Variants in MAPKAP1 observed in about 807,000 individuals in gnomAD.
MAPKAP1 encodes the protein MAPK associated protein 1, also known as target of rapamycin complex 2 subunit MAPKAP1.
In MAPKAP1, 20 loss-of-function variants were observed where a neutral mutation model predicts 65.7. That is an observed-to-expected ratio of 0.30 (90% CI 0.21 to 0.44). The LOEUF (loss-of-function observed/expected upper bound fraction) is 0.44. Ranked by LOEUF, MAPKAP1 falls within the 20% of genes least tolerant of loss-of-function variation. The pLI is 1.00. For synonymous variants in MAPKAP1, 222 were observed against 244.3 expected, an observed-to-expected ratio of 0.91 and a Z score of 0.85; for missense variants, 423 against 648.0, an observed-to-expected ratio of 0.65 and a Z score of 3.77.
chr9:125,600,184 G>C (rs1433040402), intron 4 of MAPKAP1, among the ~76,000 whole-genome samples: 2 of 142,558 alleles, frequency 1.4e-5, no homozygotes, highest in Non-Finnish European at 1.5e-5. Context: ...ATGTAGGTAA[G>C]ACATTTCATA....
rs1420963044 is a variant in MAPKAP1 at position 125,595,923 on chromosome 9, A to C, written c.499-10196T>G. 5.3e-5 allele frequency: 69 copies of C among 1,300,182 alleles called. No individual in the cohort carries two copies. The highest frequency in any genetic ancestry group is 7.4e-5 in the Non-Finnish European group (67 of 909,084). 80.5% of individuals were successfully genotyped at this position (1,300,182 alleles called of 1,614,324 possible). A position where few individuals can be genotyped will look rare whatever the true frequency, so the allele number is the denominator to read the frequency against. ...AAGGTGGATCGGAGTTGTGGAACCA[A>C]AGAGAGCTGTCTCAAGAGAAGATTC... On this transcript the variant is annotated intron_variant, in intron 4 of 11. Coordinates refer to ENST00000265960, the MANE Select transcript of MAPKAP1 (RefSeq NM_001006617.3). This position sits in a 1 kb window ranked among gnomAD's most constrained non-coding sequence, Gnocchi z 4.0.
intron 10 of MAPKAP1, among the ~76,000 whole-genome samples, chr9:125,457,208 C>T (rs13290813): frequency 0.29 from 43,697 of 151,794 alleles, 7,027 homozygotes; most frequent in Non-Finnish European, 0.37. Flanking sequence ...AGGCTGGTCT[C>T]GAACTCCTGA....
intron 7 of MAPKAP1, among the ~76,000 whole-genome samples, chr9:125,535,947 T>C (rs1287871044): frequency 6.6e-6 from 1 of 152,168 alleles, no homozygotes; most frequent in Non-Finnish European, 1.5e-5. Flanking sequence ...CACTTATGAC[T>C]GCCCAGATGA....
intron 4 of MAPKAP1, among the ~76,000 whole-genome samples, chr9:125,645,270 T>C (rs1432929611): frequency 1.3e-5 from 2 of 152,152 alleles, no homozygotes. Flanking sequence ...CACAAAAGGA[T>C]GTGACTGGAG....
At chr9:125,550,871 A>G (rs1488228331) in intron 6 of MAPKAP1, among the ~76,000 whole-genome samples, 1 of 152,236 alleles carries the variant, frequency 6.6e-6, no homozygotes, top group Non-Finnish European at 1.5e-5. Context: ...ACAATAAATA[A>G]CCAGGATAAT....
Position 125,453,775 on chromosome 9 carries a change from T to C in MAPKAP1, c.1346-9177A>G, listed in dbSNP as rs1853054213. Among the ~76,000 whole-genome samples, 4 of 152,256 alleles carry C rather than the reference T, an allele frequency of 2.6e-5. No homozygotes were observed. The South Asian group carries it at 8.3e-4, about 31-fold the overall frequency. On this transcript the variant is annotated intron_variant, in intron 10 of 11. Coordinates refer to ENST00000265960, the MANE Select transcript of MAPKAP1 (RefSeq NM_001006617.3). ...TGCAGATTTTCCAAATGTTGACATA[T>C]TTCATTTGACAATATCGAAAAAAAA... is the stretch of plus-strand genomic sequence containing the variant.
intron 7 of MAPKAP1, among the ~76,000 whole-genome samples, chr9:125,508,876 G>C (rs1008797128): frequency 1.3e-5 from 2 of 151,822 alleles, no homozygotes; most frequent in Non-Finnish European, 2.9e-5. Context: ...GAACAACCTA[G>C]GTCTAATACG....
intron 7 of MAPKAP1, among the ~76,000 whole-genome samples, chr9:125,509,776 T>A (rs1457333928): frequency 6.6e-6 from 1 of 152,102 alleles, no homozygotes; most frequent in African/African-American, 2.4e-5. Context: ...TTCAGGCCGG[T>A]CTCCTTTGCA....
chr9:125,449,360 A>C (rs1319642750), intron 10 of MAPKAP1, among the ~76,000 whole-genome samples: 3 of 152,154 alleles, frequency 2.0e-5, no homozygotes, highest in Non-Finnish European at 4.4e-5. Flanking sequence ...TTTAACTATG[A>C]TGGAACTGGT....
intron 8 of MAPKAP1, among the ~76,000 whole-genome samples, chr9:125,500,919 G>A (rs7046110): frequency 0.16 from 24,543 of 152,096 alleles, 2,372 homozygotes; most frequent in East Asian, 0.24. Flanking sequence ...TGACAGGGGC[G>A]GAGGGAGGGA....
In MAPKAP1 at chr9:125,657,805, A is replaced by G; in HGVS notation, c.350-6T>C. 6.2e-7 allele frequency: 1 copy of G among 1,609,746 alleles called. No individual in the cohort carries two copies. The highest frequency in any genetic ancestry group is 8.5e-7 in the Non-Finnish European group (1 of 1,178,750). ...CAGTGACTTTAACTCCTGGGCTGTG[A>G]TACAAGAGGAAGAAAAACATCTTTG... On this transcript the variant is annotated splice_polypyrimidine_tract_variant and splice_region_variant and intron_variant, in intron 3 of 11. Transcript: ENST00000265960.
intron 4 of MAPKAP1, among the ~76,000 whole-genome samples, chr9:125,610,419 T>C (rs978216442): frequency 1.3e-5 from 2 of 152,142 alleles, no homozygotes; most frequent in African/African-American, 4.8e-5. Flanking sequence ...AAAGACTAAG[T>C]GAAAAGAGAA....
chr9:125,620,580 A>C (rs1832868070), intron 4 of MAPKAP1, among the ~76,000 whole-genome samples: 1 of 152,254 alleles, frequency 6.6e-6, no homozygotes, highest in Non-Finnish European at 1.5e-5. Flanking sequence ...CGTTGTTTGT[A>C]ATAGTAAAAG....
At position 125,595,533 on chromosome 9, in the gene MAPKAP1, A is replaced by T; in HGVS notation, c.499-9806T>A. 8.8e-7 allele frequency: 1 copy of T among 1,134,824 alleles called. No individual in the cohort carries two copies. The highest frequency in any genetic ancestry group is 1.1e-6 in the Non-Finnish European group (1 of 921,152). 70.3% of individuals were successfully genotyped at this position (1,134,824 alleles called of 1,614,324 possible). A position where few individuals can be genotyped will look rare whatever the true frequency, so the allele number is the denominator to read the frequency against. On this transcript the variant is annotated intron_variant, in intron 4 of 11. Transcript: ENST00000265960. The surrounding 1 kb of genome is among the most constrained non-coding windows in gnomAD (Gnocchi z 4.0). The stretch of plus-strand genomic sequence containing the variant: ...ACCTGATAGTTTCCAAAGTAGGAGA[A>T]GCAATAAGAATACAGATGGGATTCA...
At chr9:125,673,462 T>C (rs956416115) in intron 1 of MAPKAP1, among the ~76,000 whole-genome samples, 12 of 152,230 alleles carry the variant, frequency 7.9e-5, no homozygotes, top group East Asian at 1.9e-4. Flanking sequence ...CCGACCTCAG[T>C]TGATCCGCCC....
At chr9:125,460,116 A>T (rs893979136) in intron 10 of MAPKAP1, among the ~76,000 whole-genome samples, 1 of 152,154 alleles carries the variant, frequency 6.6e-6, no homozygotes, top group Non-Finnish European at 1.5e-5. Flanking sequence ...CCCTCTTCTC[A>T]ATTAGGATCT....
intron 11 of MAPKAP1, among the ~76,000 whole-genome samples, chr9:125,443,133 G>C (rs1361160263): frequency 1.3e-5 from 2 of 152,210 alleles, no homozygotes; most frequent in African/African-American, 4.8e-5. Flanking sequence ...CTCTGGCCCA[G>C]GTCCTGCACT....
At chr9:125,639,044 G>T (rs1833503630) in intron 4 of MAPKAP1, among the ~76,000 whole-genome samples, 1 of 152,182 alleles carries the variant, frequency 6.6e-6, no homozygotes, top group South Asian at 2.1e-4. Context: ...TTCGAGACCA[G>T]CCTGGCCAAT....
intron 8 of MAPKAP1, among the ~76,000 whole-genome samples, chr9:125,503,739 C>T (rs541941982): frequency 5.3e-5 from 8 of 150,054 alleles, no homozygotes; most frequent in Non-Finnish European, 1.0e-4. Context: ...TTTTTTGAGA[C>T]GGAATCTCAC....
Sources: gnomAD v4.1 joint callset for allele counts (sites outside exome capture counted in the v4.1 genomes callset) on GRCh38, gnomAD v4.1.1 for gene constraint, Gnocchi (gnomAD v3.1) non-coding constraint, MANE v1.5 for transcripts, NCBI Gene and HGNC (gene_info 2026-07-23, HGNC 2026-07-21) for gene names.